The following KLF7 variants were observed in gnomAD, a reference collection of about 807,000 sequenced individuals.
KLF7 encodes the protein KLF transcription factor 7, also known as Krueppel-like factor 7.
Under a neutral mutation model 27.3 loss-of-function variants are expected in KLF7, and 2 were observed. The observed-to-expected ratio is 0.07, with a 90% confidence interval of 0.03 to 0.23. KLF7 has a LOEUF of 0.23. KLF7 is among the 10% of genes least tolerant of loss of function. The pLI, the probability that KLF7 is intolerant of heterozygous loss-of-function variation, is 1.00. For missense variants in KLF7, 221 were observed against 394.1 expected (o/e 0.56, Z 3.72); for synonymous variants, 165 against 162.4 (o/e 1.02, Z -0.12).
rs2076245824 is a variant in KLF7 at position 207,080,312 on chromosome 2, A to G, written c.*901T>C. On this transcript the variant is annotated 3_prime_UTR_variant, in exon 4 of 4. Transcript: ENST00000309446. Reference sequence around the variant, plus strand: ...TAGCAAAAACGGAGAGATTAAAAAGAAAAAATCTAGCACTGGCAATAAGGT... The same window carrying G: ...TAGCAAAAACGGAGAGATTAAAAAGGAAAAATCTAGCACTGGCAATAAGGT... 6.6e-6 allele frequency: 1 copy of G among 152,380 alleles called. No homozygotes were observed. The highest frequency in any genetic ancestry group is 2.1e-4 in the South Asian group (1 of 4,832). The allele number at this position is 152,380 out of a possible 1,614,324, so 9.4% of individuals were successfully genotyped here.
intron 1 of KLF7, among the ~76,000 whole-genome samples, chr2:207,164,934 A>C (rs1376114563): frequency 6.6e-6 from 1 of 151,906 alleles, no homozygotes; most frequent in East Asian, 1.9e-4. Context: ...TCTCAAAATC[A>C]AGCTCCTATT....
chr2:207,100,114 G>C (rs778711106), intron 2 of KLF7, among the ~76,000 whole-genome samples: 2 of 149,884 alleles, frequency 1.3e-5, no homozygotes, highest in Non-Finnish European at 3.0e-5. Context: ...TCTAGCCTGG[G>C]TGACAGAGCG....
intron 2 of KLF7, among the ~76,000 whole-genome samples, chr2:207,117,351 C>T (rs573178819): frequency 6.6e-6 from 1 of 152,314 alleles, no homozygotes; most frequent in East Asian, 1.9e-4. Flanking sequence ...TTTTTCACCA[C>T]CTCATTTCAT....
At chr2:207,164,679 C>G (rs1043962022) in intron 1 of KLF7, among the ~76,000 whole-genome samples, 3 of 152,212 alleles carry the variant, frequency 2.0e-5, no homozygotes, top group Non-Finnish European at 2.9e-5. Context: ...AGTTTCTTAA[C>G]TAGTCCTCTA....
chr2:207,145,644 G>A (rs1449250799), intron 1 of KLF7, among the ~76,000 whole-genome samples: 3 of 152,174 alleles, frequency 2.0e-5, no homozygotes, highest in East Asian at 3.9e-4. Context: ...TGTCAGATGT[G>A]ACTGTGAATG....
At chr2:207,108,669 G>A (rs1458611325) in intron 2 of KLF7, among the ~76,000 whole-genome samples, 3 of 152,220 alleles carry the variant, frequency 2.0e-5, no homozygotes, top group Non-Finnish European at 4.4e-5. Context: ...TCTGAATTCA[G>A]AGGAGAGACT....
rs543325702 is a variant in KLF7 at position 207,078,069 on chromosome 2, GCT to G, written c.*3142_*3143del. 19 of 152,318 alleles carry G rather than the reference GCT, an allele frequency of 1.2e-4. No individual in the cohort carries two copies. The East Asian group carries it at 2.5e-3, about 20-fold the overall frequency. 9.4% of individuals were successfully genotyped at this position (152,318 alleles called of 1,614,324 possible). A position where few individuals can be genotyped will look rare whatever the true frequency, so the allele number is the denominator to read the frequency against. ...CTTGGAAAACCTGCTCGCTCTAGCG[GCT>G]CTTAGTAACCATCTCTGCCACTGCA... On this transcript the variant is annotated 3_prime_UTR_variant, in exon 4 of 4. Transcript: ENST00000309446.
chr2:207,173,396 T>C, the KLF7 span, among the ~76,000 whole-genome samples: 1 of 152,100 alleles, frequency 6.6e-6, no homozygotes, highest in Non-Finnish European at 1.5e-5. Flanking sequence ...TCCAAAGACA[T>C]TTTAGTTAAT....
chr2:207,101,344 A>G, intron 2 of KLF7, among the ~76,000 whole-genome samples: 1 of 152,222 alleles, frequency 6.6e-6, no homozygotes, highest in Non-Finnish European at 1.5e-5. Context: ...ATGAGACTCA[A>G]TATGTTTGAT....
At chr2:207,085,594 C>G (rs2076368881) in intron 3 of KLF7, among the ~76,000 whole-genome samples, 1 of 152,184 alleles carries the variant, frequency 6.6e-6, no homozygotes, top group Admixed American at 6.5e-5. Flanking sequence ...AGCCAGAAGT[C>G]ACAAAACCCA....
In KLF7 at chr2:207,081,129, C is replaced by T; in HGVS notation, c.*84G>A. ...AACTTTCTTCTGCGAGGCAATGGGT[C>T]CCCGCCTGAAGTCCAGCCCCCTGCC... On this transcript the variant is annotated 3_prime_UTR_variant, in exon 4 of 4. Transcript: ENST00000309446. The T allele has an allele frequency of 8.5e-7, 1 of 1,179,322 alleles. No homozygotes were observed. Among genetic ancestry groups the T allele is most frequent in the Non-Finnish European group, 1.3e-6 (1 of 784,728 alleles). The allele number at this position is 1,179,322 out of a possible 1,614,324, so 73.1% of individuals were successfully genotyped here.
At chr2:207,128,988 A>G (rs960276943) in intron 1 of KLF7, among the ~76,000 whole-genome samples, 1 of 152,234 alleles carries the variant, frequency 6.6e-6, no homozygotes, top group African/African-American at 2.4e-5. Context: ...TATTATATCA[A>G]TGATAATTTC....
chr2:207,093,765 T>C (rs1356661992), intron 2 of KLF7, among the ~76,000 whole-genome samples: 1 of 152,212 alleles, frequency 6.6e-6, no homozygotes, highest in Non-Finnish European at 1.5e-5. Flanking sequence ...AAAACCTGAA[T>C]ACACCTAGAG....
intron 1 of KLF7, among the ~76,000 whole-genome samples, chr2:207,141,144 TA>T (rs2077930683): frequency 1.3e-5 from 2 of 152,272 alleles, no homozygotes; most frequent in Admixed American, 1.3e-4. Context: ...TCCGTGAATA[TA>T]ATAAATTTCT....
chr2:207,166,922 C>T, upstream of KLF7: 2 of 982,078 alleles, frequency 2.0e-6, no homozygotes, highest in Non-Finnish European at 2.5e-6. Context: ...GCGCACAGTC[C>T]CCGCCCCGCC....
chr2:207,144,550 T>C (rs1343581071), intron 1 of KLF7, among the ~76,000 whole-genome samples: 2 of 152,188 alleles, frequency 1.3e-5, no homozygotes, highest in African/African-American at 2.4e-5. Context: ...ATAGGTCATA[T>C]GACCCAAGCC....
upstream of KLF7, among the ~76,000 whole-genome samples, chr2:207,169,134 T>G (rs944921695): frequency 6.6e-6 from 1 of 152,196 alleles, no homozygotes; most frequent in African/African-American, 2.4e-5. Context: ...CAGGTCTGCC[T>G]CCAAATCGAC....
At chr2:207,112,004 T>C (rs1406883697) in intron 2 of KLF7, among the ~76,000 whole-genome samples, 4 of 151,868 alleles carry the variant, frequency 2.6e-5, no homozygotes, top group Non-Finnish European at 4.4e-5. Context: ...ATGCATAATA[T>C]ACTTGCAAAG....
intron 1 of KLF7, among the ~76,000 whole-genome samples, chr2:207,129,693 T>C (rs557428523): frequency 8.1e-4 from 123 of 152,352 alleles, no homozygotes; most frequent in African/African-American, 2.9e-3. Context: ...TATTACTGCC[T>C]ACTACATCTA....
Sources: gnomAD v4.1 joint callset for allele counts (sites outside exome capture counted in the v4.1 genomes callset) on GRCh38, gnomAD v4.1.1 for gene constraint, MANE v1.5 for transcripts, NCBI Gene and HGNC (gene_info 2026-07-23, HGNC 2026-07-21) for gene names.